The following DAB1 variants were observed in gnomAD, a reference collection of about 807,000 sequenced individuals.
DAB1 encodes DAB adaptor protein 1.
DAB1 carries 15 observed loss-of-function variants against 64.6 expected under a neutral mutation model. That is an observed-to-expected ratio of 0.23 (90% CI 0.16 to 0.36). The LOEUF is 0.36. DAB1 is among the 10% of genes least tolerant of loss of function. DAB1 has a pLI of 1.00. For missense variants in DAB1, 596 were observed against 706.7 expected (o/e 0.84, Z 1.78); for synonymous variants, 235 against 251.9 (o/e 0.93, Z 0.64).
chr1:57,806,456 C>T (rs777803952), intron 6 of DAB1, among the ~76,000 whole-genome samples: 48 of 152,234 alleles, frequency 3.2e-4, no homozygotes, highest in Non-Finnish European at 3.1e-4. Flanking sequence ...AGGCAGGGAT[C>T]GGGGTGATTT....
intron 4 of DAB1, among the ~76,000 whole-genome samples, chr1:58,216,852 T>C (rs1451697221): frequency 6.6e-6 from 1 of 152,222 alleles, no homozygotes; most frequent in Non-Finnish European, 1.5e-5. Context: ...AGGCAGAAAC[T>C]GCAGGAGAAA....
chr1:57,459,646 C>T (rs971495513), intron 7 of DAB1, among the ~76,000 whole-genome samples: 2 of 152,218 alleles, frequency 1.3e-5, no homozygotes, highest in South Asian at 2.1e-4. Context: ...TCTAGCAAAA[C>T]CTTAAATTTA....
intron 2 of DAB1, among the ~76,000 whole-genome samples, chr1:57,162,424 C>CA (rs776777139): frequency 6.6e-6 from 1 of 152,226 alleles, no homozygotes; most frequent in Admixed American, 6.5e-5. Flanking sequence ...AGGTCATAGG[C>CA]AGTGCAGAAC....
At chr1:57,532,636 C>T (rs1448149270) in intron 7 of DAB1, among the ~76,000 whole-genome samples, 1 of 152,144 alleles carries the variant, frequency 6.6e-6, no homozygotes, top group Non-Finnish European at 1.5e-5. Flanking sequence ...TCTATTTACT[C>T]CATCTTGTAG....
At chr1:58,137,689 C>T (rs956260570) in intron 5 of DAB1, among the ~76,000 whole-genome samples, 1 of 152,216 alleles carries the variant, frequency 6.6e-6, no homozygotes, top group African/African-American at 2.4e-5. Flanking sequence ...AATCCCAAGC[C>T]AGATCCTGAA....
intron 7 of DAB1, among the ~76,000 whole-genome samples, chr1:57,451,522 T>C (rs556224599): frequency 4.0e-4 from 61 of 152,342 alleles, no homozygotes; most frequent in African/African-American, 1.4e-3. Context: ...GAAATCATTT[T>C]CCTTGTATCC....
At chr1:57,602,888 G>A (rs1319515274) in intron 7 of DAB1, among the ~76,000 whole-genome samples, 2 of 152,076 alleles carry the variant, frequency 1.3e-5, no homozygotes, top group Non-Finnish European at 2.9e-5. Flanking sequence ...AAAGGAACTT[G>A]GGGTGCTATT....
chr1:57,037,094 T>C (rs1206701846), intron 9 of DAB1, among the ~76,000 whole-genome samples: 1 of 152,178 alleles, frequency 6.6e-6, no homozygotes, highest in Non-Finnish European at 1.5e-5. Context: ...GAGATTTGGA[T>C]TGTACTGGTC....
chr1:58,332,380 A>G (rs1486425405), intron 4 of DAB1, among the ~76,000 whole-genome samples: 3 of 152,114 alleles, frequency 2.0e-5, no homozygotes, highest in Non-Finnish European at 4.4e-5. Context: ...CGTTTCGCCA[A>G]AGCTTTTCTC....
chr1:57,745,747 T>G (rs192651083), intron 6 of DAB1, among the ~76,000 whole-genome samples: 1 of 152,370 alleles, frequency 6.6e-6, no homozygotes, highest in East Asian at 1.9e-4. Flanking sequence ...TAAATCTTTT[T>G]CAAATAAACA....
chr1:58,388,143 C>G (rs751353054), intron 3 of DAB1, among the ~76,000 whole-genome samples: 1 of 152,184 alleles, frequency 6.6e-6, no homozygotes, highest in Non-Finnish European at 1.5e-5. Context: ...ATCAGAAAGA[C>G]AGGGAGGAGA....
intron 5 of DAB1, among the ~76,000 whole-genome samples, chr1:58,130,386 ACT>A (rs1197206454): frequency 4.0e-5 from 6 of 151,258 alleles, no homozygotes; most frequent in African/African-American, 1.2e-4. Flanking sequence ...AATACAGCAC[ACT>A]GATGGGTCTT....
chr1:57,367,107 ATAAAATAAAATAAAT>A (rs1310374834), intron 1 of DAB1, among the ~76,000 whole-genome samples: 1 of 105,516 alleles, frequency 9.5e-6, no homozygotes, highest in East Asian at 2.7e-4. Context: ...ATAAAATAAA[ATAAAATAAAATAAAT>A]AAATTAGCCA....
Position 57,781,120 on chromosome 1 carries a change from CTCTCTCTATATATATATATA to C in DAB1, n.551+102859_551+102878del, listed in dbSNP as rs1221916558. Among the ~76,000 whole-genome samples, 50 of 48,318 alleles carry C rather than the reference CTCTCTCTATATATATATATA, an allele frequency of 1.0e-3. No homozygotes were observed. In the East Asian group the frequency reaches 0.012, roughly 12 times the overall value. 31.7% of individuals were successfully genotyped at this position (48,318 alleles called of 152,430 possible). A position where few individuals can be genotyped will look rare whatever the true frequency, so the allele number is the denominator to read the frequency against. ...TCTCTCTCTCTCTCTCTCTCTCTCT[CTCTCTCTATATATATATATA>C]TATATATATATATATATATATATAT... On this transcript the variant is annotated intron_variant and non_coding_transcript_variant, in intron 6 of 20. Coordinates refer to the DAB1 transcript ENST00000485760.
intron 5 of DAB1, among the ~76,000 whole-genome samples, chr1:57,999,913 G>T (rs1432050636): frequency 2.0e-5 from 3 of 149,800 alleles, no homozygotes; most frequent in Non-Finnish European, 4.4e-5. Flanking sequence ...GTTAAAGGAA[G>T]AAAAGAAGGA....
At chr1:58,473,416 C>T (rs1202389088) in intron 3 of DAB1, among the ~76,000 whole-genome samples, 1 of 151,972 alleles carries the variant, frequency 6.6e-6, no homozygotes, top group Admixed American at 6.5e-5. Flanking sequence ...GTGGCGGGCG[C>T]CTGTAGTCCC....
At chr1:57,889,854 T>C (rs1311268835) in intron 5 of DAB1, among the ~76,000 whole-genome samples, 1 of 131,818 alleles carries the variant, frequency 7.6e-6, no homozygotes, top group Non-Finnish European at 1.5e-5. Context: ...CACAGGAAAT[T>C]TTCTACAAGC....
At chr1:58,513,437 T>C (rs1646112198) in intron 2 of DAB1, among the ~76,000 whole-genome samples, 1 of 152,144 alleles carries the variant, frequency 6.6e-6, no homozygotes, top group African/African-American at 2.4e-5. Context: ...ATTGCTTCAA[T>C]AAAATTATTG....
intron 1 of DAB1, among the ~76,000 whole-genome samples, chr1:57,303,940 A>G (rs1037010521): frequency 6.6e-6 from 1 of 152,080 alleles, no homozygotes; most frequent in African/African-American, 2.4e-5. Context: ...AGTCCTCCTT[A>G]TTGTGGGGGA....
Sources: gnomAD v4.1 joint callset for allele counts (sites outside exome capture counted in the v4.1 genomes callset) on GRCh38, gnomAD v4.1.1 for gene constraint, MANE v1.5 for transcripts, NCBI Gene and HGNC (gene_info 2026-07-23, HGNC 2026-07-21) for gene names.